PCDHGA4: variants seen among roughly 807,000 people sequenced by gnomAD.
PCDHGA4 encodes the protein protocadherin gamma-A4.
PCDHGA4 carries 38 observed loss-of-function variants against 54.6 expected under a neutral mutation model. The observed-to-expected ratio is 0.70, with a 90% CI of 0.54 to 0.91. PCDHGA4 has a LOEUF of 0.91. PCDHGA4 is among the 40% of genes least tolerant of loss of function. PCDHGA4 has a pLI of 0.00. For synonymous variants in PCDHGA4, 511 were observed against 512.9 expected, an observed-to-expected ratio of 1.00 and a Z score of 0.05; for missense variants, 1,298 against 1,220.9, an observed-to-expected ratio of 1.06 and a Z score of -0.94.
chr5:141,432,918 A>C lies in PCDHGA4; in HGVS notation c.2515-61889A>C. ...CTGGCGCTCAGGCTGCGGCGCTGGC[A>C]CAAGTCACGCCTGCTGCAGGCTTCA... On this transcript the variant is annotated intron_variant, in intron 1 of 3. Coordinates refer to ENST00000571252, the MANE Select transcript of PCDHGA4 (RefSeq NM_018917.4). This position sits in a 1 kb window ranked among gnomAD's most constrained non-coding sequence, Gnocchi z 6.0. 1 of 1,614,128 alleles carries C rather than the reference A, an allele frequency of 6.2e-7. No homozygotes were observed. Among genetic ancestry groups the C allele is most frequent in the South Asian group, 1.1e-5 (1 of 91,082 alleles).
At chr5:141,410,086 G>T in intron 1 of PCDHGA4, 1 of 1,612,588 alleles carries the variant, frequency 6.2e-7, no homozygotes, top group Non-Finnish European at 8.5e-7. Flanking sequence ...AGGTGCGCAC[G>T]GCTCGAGCCT....
intron 1 of PCDHGA4, chr5:141,365,047 G>A (rs1436850571): frequency 2.5e-6 from 4 of 1,613,804 alleles, no homozygotes; most frequent in Non-Finnish European, 3.4e-6. Flanking sequence ...ACGACAATGC[G>A]CCCCTGTTCA....
chr5:141,501,831 C>G (rs1246452764), intron 2 of PCDHGA4, among the ~76,000 whole-genome samples: 1 of 152,176 alleles, frequency 6.6e-6, no homozygotes, highest in African/African-American at 2.4e-5. Context: ...GCCCACCCAC[C>G]TGTTTGGCCC....
In PCDHGA4 at chr5:141,485,368, G is replaced by T. The variant is rs2154580406; in HGVS notation, c.2515-9439G>T. On this transcript the variant is annotated intron_variant, in intron 1 of 3. Coordinates refer to ENST00000571252, the MANE Select transcript of PCDHGA4 (RefSeq NM_018917.4). This position sits in a 1 kb window ranked among gnomAD's most constrained non-coding sequence, Gnocchi z 5.7. Reference sequence around the variant, plus strand: ...ACAGTCTGTCAGCTCGCAGGCTGCAGGTCGCTGGAGAGGTGAACCAAAGAC... The same window carrying T: ...ACAGTCTGTCAGCTCGCAGGCTGCATGTCGCTGGAGAGGTGAACCAAAGAC... The T allele has an allele frequency of 6.2e-7, 1 of 1,614,144 alleles. No individual in the cohort carries two copies. The highest frequency in any genetic ancestry group is 2.2e-5 in the East Asian group (1 of 44,866).
At chr5:141,389,114 C>T in intron 1 of PCDHGA4, 2 of 1,614,004 alleles carry the variant, frequency 1.2e-6, no homozygotes, top group Non-Finnish European at 1.7e-6. Context: ...TTCTAGACCG[C>T]GAGCAGAATC....
At chr5:141,370,981 T>G in intron 1 of PCDHGA4, 1 of 1,613,994 alleles carries the variant, frequency 6.2e-7, no homozygotes, top group Non-Finnish European at 8.5e-7. Context: ...GAGCTAGTAC[T>G]GAAAGCACCC....
chr5:141,419,993 G>T (rs754254084), intron 1 of PCDHGA4: 5 of 1,614,056 alleles, frequency 3.1e-6, no homozygotes, highest in Middle Eastern at 1.6e-4. Context: ...TCTAGCTATT[G>T]CTCTACGCCT....
intron 1 of PCDHGA4, chr5:141,362,397 G>C (rs778703789): frequency 4.3e-6 from 7 of 1,614,018 alleles, no homozygotes; most frequent in Non-Finnish European, 5.9e-6. Context: ...CCTACAACCT[G>C]TGTGTTGCCT....
chr5:141,370,764 C>T (rs2149970844), intron 1 of PCDHGA4: 2 of 1,613,908 alleles, frequency 1.2e-6, no homozygotes, highest in Non-Finnish European at 1.7e-6. Flanking sequence ...TGTGCTGATC[C>T]AGGATATTAA....
intron 1 of PCDHGA4, chr5:141,422,419 A>G (rs1318381358): frequency 8.7e-6 from 14 of 1,607,158 alleles, no homozygotes; most frequent in Non-Finnish European, 1.2e-5. Context: ...ATTAGAAAAG[A>G]CTTATGGAAA....
rs115990854 is a variant in PCDHGA4 at position 141,433,033 on chromosome 5, C to T, written c.2515-61774C>T. On this transcript the variant is annotated intron_variant, in intron 1 of 3. Coordinates refer to ENST00000571252, the MANE Select transcript of PCDHGA4 (RefSeq NM_018917.4). ...TGCAGACCTATTCCCACGAGGTTTC[C>T]CTCACCACGGACTCGCGGAAGAGTC... The T allele has an allele frequency of 6.4e-3, 10,342 of 1,614,162 alleles. 43 individuals are homozygous for T. The highest frequency in any genetic ancestry group is 8.6e-3 in the Middle Eastern group (52 of 6,062).
intron 1 of PCDHGA4, among the ~76,000 whole-genome samples, chr5:141,434,345 G>C (rs1254991411): frequency 1.3e-5 from 2 of 152,144 alleles, no homozygotes; most frequent in African/African-American, 4.8e-5. Flanking sequence ...GTCGGGAACA[G>C]GCCCCCCAAA....
chr5:141,383,440 G>C, intron 1 of PCDHGA4: 1 of 1,613,950 alleles, frequency 6.2e-7, no homozygotes, highest in African/African-American at 1.3e-5. Flanking sequence ...CTTCTCCCTG[G>C]CTGTGCAAAG....
intron 1 of PCDHGA4, chr5:141,415,979 C>T (rs2095978015): frequency 2.8e-6 from 1 of 351,190 alleles, no homozygotes; most frequent in Middle Eastern, 8.3e-4. Flanking sequence ...TTAAGCAACC[C>T]TCTTGTTCTG....
chr5:141,413,639 G>A (rs893578830), intron 1 of PCDHGA4: 2 of 1,613,854 alleles, frequency 1.2e-6, no homozygotes, highest in Non-Finnish European at 1.7e-6. Context: ...GCGGGAATGC[G>A]TTTTCCTCTC....
chr5:141,361,472 AC>A, intron 1 of PCDHGA4: 1 of 1,614,024 alleles, frequency 6.2e-7, no homozygotes, highest in Admixed American at 1.7e-5. Flanking sequence ...TCCGACGTCA[AC>A]GATAATGCCC....
chr5:141,367,493 C>G (rs1262243719), intron 1 of PCDHGA4: 1 of 151,842 alleles, frequency 6.6e-6, no homozygotes, highest in Non-Finnish European at 1.5e-5. Context: ...GCCGAGATCG[C>G]GCCACTGCAC....
chr5:141,419,794 T>G, intron 1 of PCDHGA4: 1 of 1,614,048 alleles, frequency 6.2e-7, no homozygotes, highest in Non-Finnish European at 8.5e-7. Flanking sequence ...TGCTAGTCGC[T>G]GTAAGAGATG....
chr5:141,422,317 G>A (rs1266672163), intron 1 of PCDHGA4: 2 of 1,548,092 alleles, frequency 1.3e-6, no homozygotes, highest in Non-Finnish European at 1.7e-6. Context: ...CTCTCCTCCA[G>A]GTACAGTGAT....
Sources: allele counts gnomAD v4.1 joint callset (sites outside exome capture counted in the v4.1 genomes callset), GRCh38; gene constraint gnomAD v4.1.1; non-coding constraint Gnocchi (gnomAD v3.1); transcripts MANE v1.5; gene names NCBI Gene and HGNC (gene_info 2026-07-23, HGNC 2026-07-21).